COCH: variants seen among roughly 807,000 people sequenced by gnomAD.
COCH encodes cochlin, also known as coagulation factor C homolog, cochlin (Limulus polyphemus).
A neutral mutation model predicts 54.8 loss-of-function variants in COCH; 40 were observed. The ratio of observed to expected loss-of-function variants is 0.73; its 90% confidence interval spans 0.57 to 0.95. The LOEUF is 0.95. Ranked by LOEUF, COCH falls within the 40% of genes least tolerant of loss-of-function variation. COCH has a pLI of 0.00. For synonymous variants in COCH, 256 were observed against 237.9 expected (o/e 1.08, Z -0.70); for missense variants, 605 against 675.0 (o/e 0.90, Z 1.15).
At chr14:30,891,997 A>G (rs1895992303), downstream of COCH, among the ~76,000 whole-genome samples, 2 of 152,228 alleles carry the variant, frequency 1.3e-5, no homozygotes, top group Non-Finnish European at 2.9e-5. Flanking sequence ...GTTAGTCTTC[A>G]ACAGGTAAGT....
chr14:30,885,251 A>G (rs1374226940), intron 9 of COCH, 143 bp from the exon 10 acceptor site: 1 of 948,916 alleles, frequency 1.1e-6, no homozygotes, highest in Non-Finnish European at 1.6e-6. Flanking sequence ...ACTGGGTTCT[A>G]TATAATTCTT....
downstream of COCH, among the ~76,000 whole-genome samples, chr14:30,892,402 T>G (rs76017115): frequency 1.8e-3 from 278 of 152,328 alleles, 5 homozygotes; most frequent in East Asian, 0.032. Context: ...TTGGAAAAGC[T>G]TATTCTTTAT....
chr14:30,876,955 C>T (rs538191883), intron 3 of COCH, among the ~76,000 whole-genome samples: 89 of 152,026 alleles, frequency 5.9e-4, no homozygotes, highest in African/African-American at 1.5e-3. Context: ...TGCACCACCA[C>T]GTGTGGCCAT....
At chr14:30,887,046 TG>T (rs1190650285) in intron 11 of COCH, among the ~76,000 whole-genome samples, 2 of 152,286 alleles carry the variant, frequency 1.3e-5, no homozygotes, top group Admixed American at 6.5e-5. Flanking sequence ...AGTCAAGTTT[TG>T]TCTGGCATGA....
chr14:30,888,150 A>G (rs1458766718), intron 11 of COCH, among the ~76,000 whole-genome samples: 1 of 151,822 alleles, frequency 6.6e-6, no homozygotes, highest in African/African-American at 2.4e-5. Context: ...TTTAACTGTA[A>G]TTATATGCTG....
chr14:30,886,159 G>A lies in COCH; in HGVS notation c.1324G>A (p.Gly442Ser). Reference sequence around the variant, plus strand: ...CATCAGAAACATCCGCTATATGAGTGGTGGAACAGCTACTGGTGATGCCAT... The same window carrying A: ...CATCAGAAACATCCGCTATATGAGTAGTGGAACAGCTACTGGTGATGCCAT... ...AVIRNIRYMS[G>S]GTATGDAISF... The change falls in exon 11 of 12, where the codon GGT becomes AGT. Residue 442 changes from glycine to serine, a missense_variant. Coordinates refer to ENST00000396618, the MANE Select transcript of COCH (RefSeq NM_004086.3). The A allele has an allele frequency of 6.2e-7, 1 of 1,611,182 alleles. No homozygotes were observed. Among genetic ancestry groups the A allele is most frequent in the Non-Finnish European group, 8.5e-7 (1 of 1,177,652 alleles).
At chr14:30,889,296 GTCT>G (rs1333317065) in intron 11 of COCH, 2 of 317,426 alleles carry the variant, frequency 6.3e-6, no homozygotes, top group East Asian at 8.0e-5. Context: ...CAGGTTAAAA[GTCT>G]TCTTCTATTC....
intron 4 of COCH, among the ~76,000 whole-genome samples, chr14:30,878,514 A>G (rs1378716195): frequency 6.6e-6 from 1 of 152,058 alleles, no homozygotes; most frequent in Non-Finnish European, 1.5e-5. Flanking sequence ...AAAATTAGCC[A>G]GGTATGGTGG....
At position 30,878,800 on chromosome 14, in the gene COCH, T is replaced by A. The variant is rs372098880; in HGVS notation, c.240-11T>A. The stretch of plus-strand genomic sequence containing the variant: ...GTGGATAGCATCTCAGCTGCTATTC[T>A]TGTGTTACAGGGGAGTAATCAGCAA... On this transcript the variant is annotated splice_polypyrimidine_tract_variant and intron_variant, in intron 4 of 11. Transcript: ENST00000396618. 5 of 1,614,084 alleles carry A rather than the reference T, an allele frequency of 3.1e-6. No homozygotes were observed. Among genetic ancestry groups the A allele is most frequent in the Non-Finnish European group, 4.2e-6 (5 of 1,180,040 alleles).
At chr14:30,887,399 GAA>G (rs1204767410) in intron 11 of COCH, among the ~76,000 whole-genome samples, 4 of 111,904 alleles carry the variant, frequency 3.6e-5, no homozygotes, top group East Asian at 2.6e-4. Context: ...GTCTCAAAAA[GAA>G]AAAAAAAAAA....
At chr14:30,888,830 A>G (rs567770692) in intron 11 of COCH, among the ~76,000 whole-genome samples, 6 of 152,180 alleles carry the variant, frequency 3.9e-5, no homozygotes, top group East Asian at 1.9e-4. Flanking sequence ...AACTTCTACA[A>G]TTGGGATTGG....
intron 8 of COCH, among the ~76,000 whole-genome samples, chr14:30,884,113 C>T (rs1038714173): frequency 6.6e-6 from 1 of 152,140 alleles, no homozygotes; most frequent in Non-Finnish European, 1.5e-5. Context: ...CTGTTAAACC[C>T]GAGGCTCTGA....
At position 30,885,800 on chromosome 14, in the gene COCH, T is replaced by G. The variant is rs2138876386; in HGVS notation, c.965T>G (p.Val322Gly). 6.2e-7 allele frequency: 1 copy of G among 1,614,054 alleles called. No homozygotes were observed. Among genetic ancestry groups the G allele is most frequent in the East Asian group, 2.2e-5 (1 of 44,888 alleles). The change falls in exon 11 of 12, where the codon GTC becomes GGC. Residue 322 changes from valine (V) to glycine (G), a missense_variant. Val to Gly is a moderately radical substitution (Grantham distance 109). Transcript: ENST00000396618. ...VQDVTFVDKA[V>G]CRNNGFFSYH... is the part of the protein sequence containing the mutation. ...TTTATGTGTCTCCCCCATTAGGCTG[T>G]CTGTCGGAATAATGGCTTCTTCTCT...
chr14:30,881,990 T>C (rs1328607445), intron 8 of COCH, among the ~76,000 whole-genome samples: 1 of 150,454 alleles, frequency 6.6e-6, no homozygotes, highest in Non-Finnish European at 1.5e-5. Context: ...AATAAATAAA[T>C]AAATAAATAT....
chr14:30,875,428 G>A, intron 3 of COCH: 1 of 596,244 alleles, frequency 1.7e-6, no homozygotes, highest in Non-Finnish European at 3.0e-6. Flanking sequence ...CGAGGAAGGA[G>A]GACTCCTTGA....
At chr14:30,894,893 C>CTT (rs34255465), downstream of COCH, 22,508 of 736,592 alleles carry the variant, frequency 0.031, 4 homozygotes, top group Non-Finnish European at 0.035. Context: ...TTTTCTTTTT[C>CTT]TTTTTTTTTT....
Position 30,890,382 on chromosome 14 carries a change from TCA to T in COCH, c.*595_*596del. On this transcript the variant is annotated 3_prime_UTR_variant, in exon 12 of 12. Coordinates refer to ENST00000396618, the MANE Select transcript of COCH (RefSeq NM_004086.3). ...TCATAACAACTTATGACTAAAAATA[TCA>T]CACTGAATAAGAGAGCAGGATTGCC... The T allele has an allele frequency of 1.0e-6, 1 of 985,304 alleles. No individual in the cohort carries two copies. Among genetic ancestry groups the T allele is most frequent in the Non-Finnish European group, 1.2e-6 (1 of 829,800 alleles). The allele number at this position is 985,304 out of a possible 1,614,324, so 61.0% of individuals were successfully genotyped here.
downstream of COCH, among the ~76,000 whole-genome samples, chr14:30,891,894 AAAAAGG>A (rs1009410253): frequency 3.3e-5 from 5 of 152,230 alleles, no homozygotes; most frequent in Non-Finnish European, 5.9e-5. Flanking sequence ...GAGACAGAGT[AAAAAGG>A]AAATACGTAT....
downstream of COCH, chr14:30,895,464 T>C (rs758369484): frequency 6.2e-7 from 1 of 1,614,068 alleles, no homozygotes. Context: ...ATATATGCTT[T>C]TGACGAGTGG....
Sources: allele counts gnomAD v4.1 joint callset (sites outside exome capture counted in the v4.1 genomes callset), GRCh38; gene constraint gnomAD v4.1.1; transcripts MANE v1.5; gene names NCBI Gene and HGNC (gene_info 2026-07-23, HGNC 2026-07-21).